Variants in SLC24A2 observed in about 807,000 individuals in gnomAD.
SLC24A2 encodes the protein sodium/potassium/calcium exchanger 2.
A neutral mutation model predicts 62.0 loss-of-function variants in SLC24A2; 36 were observed. The observed-to-expected ratio is 0.58, with a 90% CI of 0.44 to 0.77. SLC24A2 has a LOEUF of 0.77. Ranked by LOEUF, SLC24A2 falls within the 30% of genes least tolerant of loss-of-function variation. The probability of loss-of-function intolerance (pLI) is 0.00; values close to 1 mark genes in which losing one functional copy is unlikely to be tolerated. For synonymous variants in SLC24A2, 358 were observed against 294.0 expected, an observed-to-expected ratio of 1.22 and a Z score of -2.23; for missense variants, 846 against 817.9, an observed-to-expected ratio of 1.03 and a Z score of -0.42.
intron 2 of SLC24A2, among the ~76,000 whole-genome samples, chr9:19,728,177 G>T (rs1821228102): frequency 6.6e-6 from 1 of 152,082 alleles, no homozygotes; most frequent in African/African-American, 2.4e-5. Context: ...TCTAAGAGCA[G>T]CAGTTCCACT....
At chr9:20,267,414 G>A in the SLC24A2 span, among the ~76,000 whole-genome samples, 1 of 152,122 alleles carries the variant, frequency 6.6e-6, no homozygotes, top group Non-Finnish European at 1.5e-5. Flanking sequence ...CAGAATGCTG[G>A]CGTCTCCTAG....
chr9:19,827,732 T>C, the SLC24A2 span, among the ~76,000 whole-genome samples: 1 of 152,168 alleles, frequency 6.6e-6, no homozygotes, highest in Non-Finnish European at 1.5e-5. Flanking sequence ...GATGATATTT[T>C]CTAGTTCCTC....
At chr9:20,094,827 C>G in the SLC24A2 span, among the ~76,000 whole-genome samples, 916 of 152,140 alleles carry the variant, frequency 6.0e-3, 9 homozygotes, top group African/African-American at 0.02. Flanking sequence ...AGGTAAAGAT[C>G]TATTTGAAAT....
intron 2 of SLC24A2, among the ~76,000 whole-genome samples, chr9:19,719,560 T>C (rs1165743679): frequency 6.6e-6 from 1 of 151,940 alleles, no homozygotes; most frequent in African/African-American, 2.4e-5. Context: ...CCATTAACGA[T>C]AGAGGAGAAA....
At chr9:19,674,321 TAG>T (rs1287494937) in intron 2 of SLC24A2, among the ~76,000 whole-genome samples, 2 of 152,228 alleles carry the variant, frequency 1.3e-5, no homozygotes, top group South Asian at 4.1e-4. Context: ...GTTTTGACTT[TAG>T]ATAACTTGAT....
intron 8 of SLC24A2, among the ~76,000 whole-genome samples, chr9:19,533,353 A>C (rs1439151581): frequency 6.6e-6 from 1 of 152,178 alleles, no homozygotes; most frequent in African/African-American, 2.4e-5. Flanking sequence ...GAAGCACATA[A>C]GTTCTATGGT....
At chr9:19,669,087 G>T (rs760495053) in intron 2 of SLC24A2, among the ~76,000 whole-genome samples, 1 of 152,094 alleles carries the variant, frequency 6.6e-6, no homozygotes, top group African/African-American at 2.4e-5. Flanking sequence ...TATCTTATAC[G>T]GTATAGTTAT....
At chr9:19,978,018 A>G in the SLC24A2 span, among the ~76,000 whole-genome samples, 2 of 152,140 alleles carry the variant, frequency 1.3e-5, no homozygotes, top group Admixed American at 1.3e-4. Flanking sequence ...CAGAGCCCTG[A>G]GGGGTGTCTT....
chr9:19,586,236 G>A (rs992096783), intron 5 of SLC24A2, among the ~76,000 whole-genome samples: 8 of 152,082 alleles, frequency 5.3e-5, no homozygotes, highest in Non-Finnish European at 1.2e-4. Context: ...TTTCACTGAC[G>A]CTCTCCCCAA....
chr9:19,825,254 A>G, the SLC24A2 span, among the ~76,000 whole-genome samples: 1 of 152,172 alleles, frequency 6.6e-6, no homozygotes, highest in African/African-American at 2.4e-5. Flanking sequence ...TGTCTCAATT[A>G]TATCTTTTAT....
At chr9:19,873,555 T>TCTCTCTCTCTTTCTCTCCTTTCCTTTCC in the SLC24A2 span, among the ~76,000 whole-genome samples, 1 of 149,308 alleles carries the variant, frequency 6.7e-6, no homozygotes, top group Admixed American at 6.6e-5. Context: ...TCTTTCTTTC[T>TCTCTCTCTCTTTCTCTCCTTTCCTTTCC]CTCTCTCTCT....
At chr9:20,236,830 G>A in the SLC24A2 span, among the ~76,000 whole-genome samples, 1 of 152,126 alleles carries the variant, frequency 6.6e-6, no homozygotes, top group Non-Finnish European at 1.5e-5. Context: ...CAGGGCACTT[G>A]TACCAGACAT....
the SLC24A2 span, among the ~76,000 whole-genome samples, chr9:19,798,205 A>T: frequency 6.6e-6 from 1 of 152,134 alleles, no homozygotes; most frequent in African/African-American, 2.4e-5. Context: ...TTAATGCTTC[A>T]TCATTTTCTT....
intron 2 of SLC24A2, among the ~76,000 whole-genome samples, chr9:19,710,217 A>T (rs577341601): frequency 6.6e-6 from 1 of 152,298 alleles, no homozygotes; most frequent in East Asian, 1.9e-4. Context: ...ACAACTGTGT[A>T]CCATGTGACC....
intron 4 of SLC24A2, among the ~76,000 whole-genome samples, chr9:19,616,338 C>T (rs1217682762): frequency 2.0e-5 from 3 of 152,232 alleles, no homozygotes; most frequent in East Asian, 1.9e-4. Flanking sequence ...ATGATGCAGA[C>T]ATCATTATGT....
chr9:19,762,800 T>TTTC (rs1822380268), intron 2 of SLC24A2, among the ~76,000 whole-genome samples: 1 of 150,990 alleles, frequency 6.6e-6, no homozygotes, highest in Admixed American at 6.6e-5. Flanking sequence ...GTGCTTTTTT[T>TTTC]TTTTTTTTTT....
In SLC24A2 at chr9:19,636,355, CTT is replaced by C. The variant is rs1818344609; in HGVS notation, c.931-14058_931-14057del. On this transcript the variant is annotated intron_variant, in intron 2 of 10. Coordinates refer to ENST00000341998, the MANE Select transcript of SLC24A2 (RefSeq NM_020344.4). ...TCTTTCTTTCTTTCTTTCTTTCTTTCTTTCTTTCTTTCTTTCTTTCTTTCTTT... is the reference window on the plus strand; with the variant it reads ...TCTTTCTTTCTTTCTTTCTTTCTTTCTCTTTCTTTCTTTCTTTCTTTCTTT... Among the ~76,000 whole-genome samples the C allele has an allele frequency of 3.8e-4, 13 of 34,448 alleles. 2 individuals are homozygous for C. Among genetic ancestry groups the C allele is most frequent in the Admixed American group, 6.7e-4 (2 of 2,966 alleles). 22.6% of individuals were successfully genotyped at this position (34,448 alleles called of 152,430 possible). A position where few individuals can be genotyped will look rare whatever the true frequency, so the allele number is the denominator to read the frequency against.
intron 2 of SLC24A2, among the ~76,000 whole-genome samples, chr9:19,694,713 A>T (rs1252923734): frequency 1.3e-4 from 20 of 152,210 alleles, no homozygotes; most frequent in Admixed American, 1.3e-3. Flanking sequence ...AATATTAGTT[A>T]CAGAGGTAAA....
the SLC24A2 span, among the ~76,000 whole-genome samples, chr9:20,076,779 G>A: frequency 1.3e-5 from 2 of 151,070 alleles, no homozygotes; most frequent in African/African-American, 4.9e-5. Context: ...TCCGTATCTT[G>A]ACTATTGTGA....
Sources: allele counts gnomAD v4.1 joint callset (sites outside exome capture counted in the v4.1 genomes callset), GRCh38; gene constraint gnomAD v4.1.1; transcripts MANE v1.5; gene names NCBI Gene and HGNC (gene_info 2026-07-23, HGNC 2026-07-21).